VTI1A: variants seen among roughly 807,000 people sequenced by gnomAD.
The protein encoded by VTI1A is vesicle transport through interaction with t-SNAREs homolog 1A.
In VTI1A, 22 loss-of-function variants were observed where a neutral mutation model predicts 34.9. The observed-to-expected ratio is 0.63, with a 90% CI of 0.45 to 0.90. VTI1A has a LOEUF of 0.90. Among genes scored for constraint, VTI1A ranks in the 40% least tolerant of loss-of-function variants. VTI1A has a pLI of 0.00. For synonymous variants in VTI1A, 87 were observed against 97.3 expected, an observed-to-expected ratio of 0.89 and a Z score of 0.62; for missense variants, 268 against 275.6, an observed-to-expected ratio of 0.97 and a Z score of 0.20.
At chr10:112,518,547 TTCTCTCTCTCTCTCTCTCTCTCTCTC>T in intron 3 of VTI1A, among the ~76,000 whole-genome samples, 1 of 101,542 alleles carries the variant, frequency 9.8e-6, no homozygotes, top group African/African-American at 4.1e-5. Flanking sequence ...TCATATCTCT[TTCTCTCTCTCTCTCTCTCTCTCTCTC>T]TCTCTCTCTC....
At chr10:112,460,317 G>A (rs1564785867) in intron 1 of VTI1A, among the ~76,000 whole-genome samples, 1 of 151,964 alleles carries the variant, frequency 6.6e-6, no homozygotes, top group Non-Finnish European at 1.5e-5. Flanking sequence ...TTAATAATTA[G>A]GTATTCTATC....
chr10:112,487,013 T>A (rs1462769813), intron 3 of VTI1A, among the ~76,000 whole-genome samples: 2 of 152,138 alleles, frequency 1.3e-5, no homozygotes, highest in African/African-American at 2.4e-5. Flanking sequence ...AGAGATACTA[T>A]CACTATTTAA....
intron 7 of VTI1A, among the ~76,000 whole-genome samples, chr10:112,760,580 G>A (rs1197262359): frequency 6.6e-6 from 1 of 152,134 alleles, no homozygotes; most frequent in African/African-American, 2.4e-5. Flanking sequence ...GGACCAAGAT[G>A]AGATTTTATT....
chr10:112,620,516 C>G, intron 5 of VTI1A, among the ~76,000 whole-genome samples: 1 of 152,106 alleles, frequency 6.6e-6, no homozygotes, highest in Non-Finnish European at 1.5e-5. Context: ...ACTGGCTGGG[C>G]GCGGTGGCTC....
intron 7 of VTI1A, among the ~76,000 whole-genome samples, chr10:112,794,597 A>T (rs1347578688): frequency 2.0e-5 from 3 of 152,118 alleles, no homozygotes; most frequent in Non-Finnish European, 2.9e-5. Context: ...AATTAAAATT[A>T]TGATCCCAAC....
chr10:112,596,757 C>T (rs986358367), intron 5 of VTI1A, among the ~76,000 whole-genome samples: 1 of 152,068 alleles, frequency 6.6e-6, no homozygotes, highest in Admixed American at 6.6e-5. Flanking sequence ...TCTTACATTG[C>T]TTAACTGTAA....
At chr10:112,692,689 T>C (rs963428819) in intron 7 of VTI1A, among the ~76,000 whole-genome samples, 5 of 152,234 alleles carry the variant, frequency 3.3e-5, no homozygotes, top group Admixed American at 1.3e-4. Flanking sequence ...GGTTTTAATG[T>C]GCTAGCTATG....
In VTI1A at chr10:112,461,307, T is replaced by C. The variant is rs568118488; in HGVS notation, c.153+725T>C. On this transcript the variant is annotated intron_variant, in intron 2 of 7. Transcript: ENST00000393077. ...AGGGGGACACATTATTTCCTCTCCC[T>C]GAGCTCCCCGCAAACCCAATCCTGA... is the stretch of plus-strand genomic sequence containing the variant. 5.3e-4 allele frequency among the ~76,000 whole-genome samples: 81 copies of C among 152,356 alleles called. 1 individual carries two copies. The highest frequency in any genetic ancestry group is 1.9e-3 in the African/African-American group (79 of 41,586).
At chr10:112,714,237 G>C (rs1849528080) in intron 7 of VTI1A, among the ~76,000 whole-genome samples, 1 of 152,112 alleles carries the variant, frequency 6.6e-6, no homozygotes, top group South Asian at 2.1e-4. Flanking sequence ...TAACTCTCTG[G>C]ATGCTTTGCC....
At chr10:112,572,139 A>G (rs867164948) in intron 5 of VTI1A, among the ~76,000 whole-genome samples, 10 of 152,268 alleles carry the variant, frequency 6.6e-5, no homozygotes, top group Middle Eastern at 3.2e-3. Context: ...AAATTTAAAA[A>G]GATGAAAAAG....
chr10:112,691,042 C>A (rs1305805578), intron 7 of VTI1A, among the ~76,000 whole-genome samples: 2 of 151,914 alleles, frequency 1.3e-5, no homozygotes, highest in South Asian at 4.2e-4. Context: ...CCAAGGCAGG[C>A]GGATCATTTG....
intron 5 of VTI1A, among the ~76,000 whole-genome samples, chr10:112,559,042 T>G (rs1394571063): frequency 2.6e-5 from 4 of 152,182 alleles, no homozygotes; most frequent in Non-Finnish European, 5.9e-5. Flanking sequence ...AATGGGCGCT[T>G]AAGTGCTCCC....
intron 7 of VTI1A, among the ~76,000 whole-genome samples, chr10:112,704,390 A>G (rs1849121005): frequency 6.6e-6 from 1 of 152,032 alleles, no homozygotes; most frequent in African/African-American, 2.4e-5. Flanking sequence ...TATATATATG[A>G]CCCCACAGGG....
chr10:112,722,218 A>G (rs1266806592), intron 7 of VTI1A, among the ~76,000 whole-genome samples: 1 of 152,208 alleles, frequency 6.6e-6, no homozygotes, highest in African/African-American at 2.4e-5. Flanking sequence ...TGCTGTATAC[A>G]ACAAGGGATC....
chr10:112,679,816 G>T (rs913678063), intron 7 of VTI1A, among the ~76,000 whole-genome samples: 1 of 151,312 alleles, frequency 6.6e-6, no homozygotes, highest in Non-Finnish European at 1.5e-5. Flanking sequence ...AGTTAAAGAT[G>T]TCCGAATCAG....
the VTI1A span, among the ~76,000 whole-genome samples, chr10:112,834,691 A>G: frequency 6.6e-6 from 1 of 152,214 alleles, no homozygotes; most frequent in Non-Finnish European, 1.5e-5. Flanking sequence ...AGGATTTAAA[A>G]TCAGGAAAGC....
chr10:112,769,309 C>G (rs1023872753), intron 7 of VTI1A, among the ~76,000 whole-genome samples: 1 of 152,220 alleles, frequency 6.6e-6, no homozygotes, highest in Non-Finnish European at 1.5e-5. Context: ...CCCAACTAGA[C>G]AGTGAGCCCT....
intron 7 of VTI1A, among the ~76,000 whole-genome samples, chr10:112,671,616 T>C (rs561398888): frequency 3.6e-4 from 55 of 152,348 alleles, no homozygotes; most frequent in African/African-American, 1.3e-3. Context: ...GCACGGCTCA[T>C]CATTTGAGCC....
chr10:112,782,377 C>G (rs1256305257), intron 7 of VTI1A, among the ~76,000 whole-genome samples: 1 of 152,278 alleles, frequency 6.6e-6, no homozygotes, highest in Admixed American at 6.5e-5. Context: ...AGGCCAGGCC[C>G]TGCGTGAAGG....
Sources: allele counts gnomAD v4.1 joint callset (sites outside exome capture counted in the v4.1 genomes callset), GRCh38; gene constraint gnomAD v4.1.1; transcripts MANE v1.5; gene names NCBI Gene and HGNC (gene_info 2026-07-23, HGNC 2026-07-21).